The following NAPEPLD variants were observed in gnomAD, a reference collection of about 807,000 sequenced individuals.
NAPEPLD encodes the protein N-acyl phosphatidylethanolamine phospholipase D.
NAPEPLD carries 23 observed loss-of-function variants against 38.1 expected under a neutral mutation model. The observed-to-expected ratio is 0.60, with a 90% confidence interval of 0.43 to 0.86. The LOEUF (loss-of-function observed/expected upper bound fraction) is 0.86, where lower values mean the gene tolerates loss of function less well. Among genes scored for constraint, NAPEPLD ranks in the 40% least tolerant of loss-of-function variants. The pLI is 0.00. For missense variants in NAPEPLD, 411 were observed against 476.8 expected (o/e 0.86, Z 1.28); for synonymous variants, 147 against 162.0 (o/e 0.91, Z 0.71).
intron 1 of NAPEPLD, among the ~76,000 whole-genome samples, chr7:103,145,137 G>A (rs1405843236): frequency 6.6e-6 from 1 of 152,154 alleles, no homozygotes; most frequent in Admixed American, 6.5e-5. Flanking sequence ...TTATAAATGT[G>A]TGCGCAGTTT....
At chr7:103,138,194 T>C (rs1261624564) in intron 1 of NAPEPLD, among the ~76,000 whole-genome samples, 1 of 151,982 alleles carries the variant, frequency 6.6e-6, no homozygotes, top group East Asian at 1.9e-4. Flanking sequence ...GCCAGGCAGG[T>C]AGATGATCTT....
In NAPEPLD at chr7:103,148,939, A is replaced by C; in HGVS notation, c.-145T>G. On this transcript the variant is annotated 5_prime_UTR_variant, in exon 1 of 5. Transcript: ENST00000465647. ...GCTCTTCACCGAGGCAGCTTCAGAG[A>C]TGCAGGCTCCGCAACTCGCGAGGTG... The C allele has an allele frequency of 1.0e-6, 1 of 985,410 alleles. No individual in the cohort carries two copies. The allele number at this position is 985,410 out of a possible 1,614,324, so 61.0% of individuals were successfully genotyped here.
chr7:103,134,382 G>A (rs1809598586), intron 1 of NAPEPLD, among the ~76,000 whole-genome samples: 1 of 152,162 alleles, frequency 6.6e-6, no homozygotes, highest in Non-Finnish European at 1.5e-5. Context: ...AGGCACAGTG[G>A]CTCATGCCTG....
At chr7:103,120,369 T>A in intron 2 of NAPEPLD, 146 bp from the exon 3 acceptor site, 1 of 805,626 alleles carries the variant, frequency 1.2e-6, no homozygotes, top group Non-Finnish European at 1.9e-6. Context: ...CACTTTTGCT[T>A]TTTTCTTGAA....
chr7:103,141,890 C>T, intron 1 of NAPEPLD: 1 of 1,018,890 alleles, frequency 9.8e-7, no homozygotes, highest in Middle Eastern at 2.1e-4. Flanking sequence ...CTTCTTGCCA[C>T]AGCAGAGGAC....
Position 103,115,015 on chromosome 7 carries a change from CATTGGTCAAACACACAAAGTT to C in NAPEPLD, c.1056+24_1056+44del, listed in dbSNP as rs1434374312. 3 of 1,440,418 alleles carry C rather than the reference CATTGGTCAAACACACAAAGTT, an allele frequency of 2.1e-6. No homozygotes were observed. In the African/African-American group the frequency reaches 4.2e-5, roughly 20 times the overall value. The allele number at this position is 1,440,418 out of a possible 1,614,324, so 89.2% of individuals were successfully genotyped here. A position where few individuals can be genotyped will look rare whatever the true frequency, so the allele number is the denominator to read the frequency against. Reference sequence around the variant, plus strand: ...AGGAACAGTGATGCCTGAATCCTATCATTGGTCAAACACACAAAGTTATTTTTATCGCAATCAAACTTACCT... The same window carrying C: ...AGGAACAGTGATGCCTGAATCCTATCATTTTTATCGCAATCAAACTTACCT... On this transcript the variant is annotated intron_variant, in intron 4 of 4. Transcript: ENST00000465647.
intron 1 of NAPEPLD, among the ~76,000 whole-genome samples, chr7:103,140,387 CTTTTT>C (rs377763676): frequency 2.1e-3 from 194 of 92,634 alleles, no homozygotes; most frequent in Non-Finnish European, 3.2e-3. Context: ...TCACAGAACT[CTTTTT>C]TTTTTTTTTT....
At chr7:103,137,399 G>A (rs1452609390) in intron 1 of NAPEPLD, among the ~76,000 whole-genome samples, 2 of 152,036 alleles carry the variant, frequency 1.3e-5, no homozygotes, top group African/African-American at 4.8e-5. Context: ...GCTTTCATTA[G>A]AATCAAAAAG....
intron 1 of NAPEPLD, chr7:103,129,207 G>C: frequency 3.3e-6 from 2 of 614,268 alleles, no homozygotes; most frequent in African/African-American, 2.0e-5. Flanking sequence ...GGAGGTTGTG[G>C]TGAGCTGAGA....
chr7:103,126,875 G>A (rs189139219), intron 2 of NAPEPLD: 2 of 139,682 alleles, frequency 1.4e-5, no homozygotes, highest in Admixed American at 1.6e-4. Context: ...CAATCCACCT[G>A]CCTCAGCCTC....
intron 4 of NAPEPLD, among the ~76,000 whole-genome samples, chr7:103,106,987 T>C (rs977351874): frequency 1.1e-4 from 16 of 152,052 alleles, no homozygotes; most frequent in Admixed American, 9.2e-4. Context: ...CCGACAGACA[T>C]CTCATACAGG....
chr7:103,105,386 A>C (rs1240840341), intron 4 of NAPEPLD, among the ~76,000 whole-genome samples: 2 of 152,188 alleles, frequency 1.3e-5, no homozygotes, highest in African/African-American at 4.8e-5. Context: ...CAACAATAGA[A>C]TATATTCAAA....
At chr7:103,134,710 A>G (rs1194934701) in intron 1 of NAPEPLD, among the ~76,000 whole-genome samples, 1 of 152,206 alleles carries the variant, frequency 6.6e-6, no homozygotes, top group Non-Finnish European at 1.5e-5. Context: ...TACAAAAAGG[A>G]CAACATAAAG....
At chr7:103,104,683 A>G (rs911272426) in intron 4 of NAPEPLD, among the ~76,000 whole-genome samples, 1 of 152,234 alleles carries the variant, frequency 6.6e-6, no homozygotes, top group African/African-American at 2.4e-5. Flanking sequence ...CCCCTTAGTA[A>G]TGGATAGTTG....
At chr7:103,137,687 G>A (rs991345564) in intron 1 of NAPEPLD, among the ~76,000 whole-genome samples, 15 of 151,838 alleles carry the variant, frequency 9.9e-5, no homozygotes, top group Non-Finnish European at 2.2e-4. Context: ...GTGGTGGTGC[G>A]CATCTGTAGT....
At chr7:103,128,015 G>A (rs1252936405) in intron 2 of NAPEPLD, 1 of 154,712 alleles carries the variant, frequency 6.5e-6, no homozygotes, top group East Asian at 1.9e-4. Flanking sequence ...CCTTATCCAA[G>A]GGTTAAAAGC....
intron 1 of NAPEPLD, among the ~76,000 whole-genome samples, chr7:103,132,458 G>C (rs1316054482): frequency 1.3e-5 from 2 of 152,094 alleles, no homozygotes; most frequent in Non-Finnish European, 2.9e-5. Flanking sequence ...AGAGTGGGAA[G>C]AGTCAGAAAT....
chr7:103,103,946 G>T (rs1169331409), intron 4 of NAPEPLD, among the ~76,000 whole-genome samples: 1 of 151,378 alleles, frequency 6.6e-6, no homozygotes. Flanking sequence ...ATCAAATTGT[G>T]GTGTGTGTGT....
intron 3 of NAPEPLD, among the ~76,000 whole-genome samples, chr7:103,117,605 G>C (rs117153850): frequency 0.027 from 4,174 of 152,200 alleles, 100 homozygotes; most frequent in Non-Finnish European, 0.036. Flanking sequence ...ACTCTCAAGT[G>C]TTATTCAATA....
Sources: gnomAD v4.1 joint callset for allele counts (sites outside exome capture counted in the v4.1 genomes callset) on GRCh38, gnomAD v4.1.1 for gene constraint, MANE v1.5 for transcripts, NCBI Gene and HGNC (gene_info 2026-07-23, HGNC 2026-07-21) for gene names.